Variants in CPB1 observed in about 807,000 individuals in gnomAD.
The protein encoded by CPB1 is carboxypeptidase B.
A neutral mutation model predicts 51.4 loss-of-function variants in CPB1; 53 were observed. That is an observed-to-expected ratio of 1.03 (90% CI 0.83 to 1.30). The LOEUF is 1.30. Among genes scored for constraint, CPB1 ranks in the 50% most tolerant of loss-of-function variants. The pLI is 0.00. For missense variants in CPB1, 494 were observed against 516.2 expected (o/e 0.96, Z 0.42); for synonymous variants, 189 against 186.9 (o/e 1.01, Z -0.09).
intron 4 of CPB1, 36 bp downstream of exon 4, chr3:148,840,821 T>C (rs1224102584): frequency 6.2e-7 from 1 of 1,613,472 alleles, no homozygotes; most frequent in Non-Finnish European, 8.5e-7. Flanking sequence ...GATATTACTT[T>C]GGGAATTGAA....
intron 9 of CPB1, chr3:148,857,245 G>C (rs1713607014): frequency 2.2e-6 from 1 of 455,178 alleles, no homozygotes; most frequent in Non-Finnish European, 4.0e-6. Flanking sequence ...GTGAATGCTT[G>C]GGGAGGGTAT....
At chr3:148,858,594 T>C (rs1845414) in intron 10 of CPB1, among the ~76,000 whole-genome samples, 6,728 of 151,788 alleles carry the variant, frequency 0.044, 264 homozygotes, top group East Asian at 0.17. Flanking sequence ...GACAGAGTGT[T>C]TTTTTGGCTA....
chr3:148,840,390 C>A (rs964674977), intron 3 of CPB1, among the ~76,000 whole-genome samples: 1 of 152,168 alleles, frequency 6.6e-6, no homozygotes, highest in South Asian at 2.1e-4. Context: ...CAGGAGCAAC[C>A]ATTTTCCAAG....
At chr3:148,834,730 C>G in intron 3 of CPB1, 108 bp downstream of exon 3, 1 of 1,025,554 alleles carries the variant, frequency 9.8e-7, no homozygotes, top group Admixed American at 2.5e-5. Flanking sequence ...AATGCCTTCC[C>G]CAGGACCCCA....
At chr3:148,837,889 T>G (rs1385679393) in intron 3 of CPB1, among the ~76,000 whole-genome samples, 1 of 152,112 alleles carries the variant, frequency 6.6e-6, no homozygotes, top group African/African-American at 2.4e-5. Context: ...TAGTAATAAC[T>G]CTAACAGAAT....
intron 3 of CPB1, among the ~76,000 whole-genome samples, 186 bp from the exon 4 acceptor site, chr3:148,840,500 T>G (rs946550651): frequency 1.3e-5 from 2 of 152,178 alleles, no homozygotes; most frequent in African/African-American, 4.8e-5. Context: ...TACTCACTCT[T>G]TATGGTCAGT....
chr3:148,846,503 C>T (rs963457577), intron 9 of CPB1, among the ~76,000 whole-genome samples: 2 of 151,100 alleles, frequency 1.3e-5, no homozygotes, highest in Non-Finnish European at 2.9e-5. Flanking sequence ...TACCTAAATG[C>T]ATAAATTTGA....
Position 148,846,831 on chromosome 3 carries a change from A to G in CPB1, c.981+1205A>G, listed in dbSNP as rs572780918. Among the ~76,000 whole-genome samples, 642 of 116,828 alleles carry G rather than the reference A, an allele frequency of 5.5e-3. 35 individuals carry two copies. Among genetic ancestry groups the G allele is most frequent in the African/African-American group, 0.019 (582 of 30,578 alleles). The allele number at this position is 116,828 out of a possible 152,430, so 76.6% of individuals were successfully genotyped here. A position where few individuals can be genotyped will look rare whatever the true frequency, so the allele number is the denominator to read the frequency against. On this transcript the variant is annotated intron_variant, in intron 9 of 10. Transcript: ENST00000282957. ...TATATATATATATATATATATATAT[A>G]TATATATATATGTTAGCACCGCCAA...
intron 8 of CPB1, 99 bp downstream of exon 8, chr3:148,844,866 A>T: frequency 9.0e-7 from 1 of 1,109,308 alleles, no homozygotes; most frequent in Non-Finnish European, 1.3e-6. Context: ...AGCAAGTTTT[A>T]TATTTTAAAG....
At chr3:148,829,379 A>G (rs1410316954) in intron 2 of CPB1, among the ~76,000 whole-genome samples, 1 of 152,172 alleles carries the variant, frequency 6.6e-6, no homozygotes, top group Non-Finnish European at 1.5e-5. Context: ...ACATTTATTA[A>G]TGGTGCCTAA....
chr3:148,853,505 C>G (rs1713491351), intron 9 of CPB1, among the ~76,000 whole-genome samples: 4 of 152,148 alleles, frequency 2.6e-5, no homozygotes, highest in Admixed American at 2.6e-4. Context: ...TTTAGACTCT[C>G]TCTGTCTTTT....
intron 2 of CPB1, among the ~76,000 whole-genome samples, chr3:148,832,519 A>G (rs547540155): frequency 6.6e-6 from 1 of 152,290 alleles, no homozygotes; most frequent in African/African-American, 2.4e-5. Flanking sequence ...AGAAGTGGGG[A>G]GTGCTAAATA....
intron 9 of CPB1, among the ~76,000 whole-genome samples, chr3:148,852,535 T>C (rs1325510899): frequency 3.3e-5 from 5 of 152,224 alleles, no homozygotes; most frequent in African/African-American, 1.2e-4. Flanking sequence ...GCTCTCGCCT[T>C]TCACAGGATC....
At chr3:148,830,668 A>C (rs1712705513) in intron 2 of CPB1, among the ~76,000 whole-genome samples, 1 of 152,150 alleles carries the variant, frequency 6.6e-6, no homozygotes, top group African/African-American at 2.4e-5. Context: ...CTTTCCAAAG[A>C]AGGTATTTCT....
chr3:148,839,813 T>G lies in CPB1; in HGVS notation c.273-873T>G, dbSNP rs1257635766. 2.0e-5 allele frequency among the ~76,000 whole-genome samples: 3 copies of G among 152,182 alleles called. No homozygotes were observed. In the East Asian group the frequency reaches 5.8e-4, roughly 29 times the overall value. Reference sequence around the variant, plus strand: ...TTTAACTGTGGATAATAGAAATTTCTGCAAAGTGGCCTCTGTCTGTAATAT... The same window carrying G: ...TTTAACTGTGGATAATAGAAATTTCGGCAAAGTGGCCTCTGTCTGTAATAT... On this transcript the variant is annotated intron_variant, in intron 3 of 10. Coordinates refer to ENST00000282957, the MANE Select transcript of CPB1 (RefSeq NM_001871.3).
chr3:148,837,373 A>G (rs562695310), intron 3 of CPB1, among the ~76,000 whole-genome samples: 10 of 152,220 alleles, frequency 6.6e-5, no homozygotes, highest in African/African-American at 2.2e-4. Flanking sequence ...TCTATTTTCC[A>G]GAAATCTGAA....
chr3:148,835,529 T>C (rs1345741476), intron 3 of CPB1, among the ~76,000 whole-genome samples: 1 of 152,094 alleles, frequency 6.6e-6, no homozygotes, highest in Non-Finnish European at 1.5e-5. Flanking sequence ...AACCATACTT[T>C]AGGAAGAGAA....
chr3:148,852,348 G>C lies in CPB1; in HGVS notation c.982-5109G>C, dbSNP rs765480302. ...GGAGACATCTTTGGTTGTCATAACT[G>C]TCGAGCTCTACTGGCATCTAGTGAG... On this transcript the variant is annotated intron_variant, in intron 9 of 10. Coordinates refer to ENST00000282957, the MANE Select transcript of CPB1 (RefSeq NM_001871.3). 6.4e-4 allele frequency among the ~76,000 whole-genome samples: 97 copies of C among 152,110 alleles called. 2 individuals are homozygous for C. The highest frequency in any genetic ancestry group is 1.2e-3 in the Non-Finnish European group (81 of 68,008).
At chr3:148,846,879 C>T (rs1410169252) in intron 9 of CPB1, among the ~76,000 whole-genome samples, 2 of 130,148 alleles carry the variant, frequency 1.5e-5, no homozygotes, top group Non-Finnish European at 3.2e-5. Context: ...TTCACTTAAG[C>T]TTGGTCTGTA....
Sources: gnomAD v4.1 joint callset for allele counts (sites outside exome capture counted in the v4.1 genomes callset) on GRCh38, gnomAD v4.1.1 for gene constraint, MANE v1.5 for transcripts, NCBI Gene and HGNC (gene_info 2026-07-23, HGNC 2026-07-21) for gene names.